The following ANKRD28 variants were observed in gnomAD, a reference collection of about 807,000 sequenced individuals.
ANKRD28 encodes ankyrin repeat domain 28, also known as serine/threonine-protein phosphatase 6 regulatory ankyrin repeat subunit A.
In ANKRD28, 44 loss-of-function variants were observed where a neutral mutation model predicts 126.5. The ratio of observed to expected loss-of-function variants is 0.35; its 90% confidence interval spans 0.27 to 0.45. ANKRD28 has a LOEUF of 0.45. Ranked by LOEUF, ANKRD28 falls within the 20% of genes least tolerant of loss-of-function variation. ANKRD28 has a pLI of 1.00. For missense variants in ANKRD28, 1,110 were observed against 1,316.6 expected (o/e 0.84, Z 2.43); for synonymous variants, 442 against 468.5 (o/e 0.94, Z 0.73).
chr3:15,702,423 A>G (rs2070751234), intron 14 of ANKRD28, among the ~76,000 whole-genome samples: 1 of 152,246 alleles, frequency 6.6e-6, no homozygotes, highest in Non-Finnish European at 1.5e-5. Context: ...TGAAACGCAG[A>G]CAATTAAGAA....
rs113441482 is a variant in ANKRD28 at position 15,814,041 on chromosome 3, C to T, written c.28-18735G>A. 4.6e-3 allele frequency among the ~76,000 whole-genome samples: 702 copies of T among 152,278 alleles called. 1 individual carries two copies. The highest frequency in any genetic ancestry group is 9.7e-3 in the South Asian group (47 of 4,822). On this transcript the variant is annotated intron_variant, in intron 1 of 27. Coordinates refer to the ANKRD28 transcript ENST00000399451. This position sits in a 1 kb window ranked among gnomAD's most constrained non-coding sequence, Gnocchi z 4.7. ...AAAATTTACTTGAATTATAAAACGG[C>T]TATACTAAGTCTTCCACTAACACAG...
At chr3:15,774,307 A>G (rs913515339) in intron 2 of ANKRD28, among the ~76,000 whole-genome samples, 1 of 152,322 alleles carries the variant, frequency 6.6e-6, no homozygotes, top group South Asian at 2.1e-4. Context: ...GACATAGTTA[A>G]GAGGATAAAA....
chr3:15,859,267 C>G (rs1010407322), intron 1 of ANKRD28: 3 of 1,451,682 alleles, frequency 2.1e-6, no homozygotes, highest in South Asian at 2.6e-5. Context: ...ACCCCCGTTT[C>G]CCTCGCAACC....
chr3:15,790,055 G>C (rs2059957918), intron 2 of ANKRD28, among the ~76,000 whole-genome samples: 1 of 151,960 alleles, frequency 6.6e-6, no homozygotes, highest in African/African-American at 2.4e-5. Flanking sequence ...AGAAGAAATG[G>C]ACACATTCCT....
chr3:15,797,571 G>C lies in ANKRD28; in HGVS notation c.-1050C>G, dbSNP rs1044690959. 1.8e-4 allele frequency: 181 copies of C among 984,826 alleles called. 1 individual carries two copies. Among genetic ancestry groups the C allele is most frequent in the Admixed American group, 1.0e-3 (17 of 16,232 alleles). The allele number at this position is 984,826 out of a possible 1,614,324, so 61.0% of individuals were successfully genotyped here. ...TTTTGTTTTCTTTAAAAAAAAAAAG[G>C]GGGGGGAAAAACATAGTAGTGTATC... On this transcript the variant is annotated 5_prime_UTR_variant, in exon 1 of 28. Coordinates refer to ENST00000683139, the MANE Select transcript of ANKRD28 (RefSeq NM_001349278.2).
chr3:15,718,166 G>T (rs887675963), intron 8 of ANKRD28, among the ~76,000 whole-genome samples: 1 of 152,172 alleles, frequency 6.6e-6, no homozygotes, highest in African/African-American at 2.4e-5. Flanking sequence ...AACATATTGT[G>T]TGTAAGAGCT....
At chr3:15,821,948 T>C (rs936355594) in intron 1 of ANKRD28, among the ~76,000 whole-genome samples, 3 of 152,176 alleles carry the variant, frequency 2.0e-5, no homozygotes, top group African/African-American at 7.2e-5. Context: ...GTCAAAAGCA[T>C]ATCTCTCTCA....
intron 1 of ANKRD28, among the ~76,000 whole-genome samples, chr3:15,858,311 A>C (rs1458646161): frequency 6.6e-6 from 1 of 152,244 alleles, no homozygotes; most frequent in Non-Finnish European, 1.5e-5. Flanking sequence ...TGATGTTAAC[A>C]CCAGGCAAGA....
At chr3:15,800,767 T>C (rs2060446944), upstream of ANKRD28, among the ~76,000 whole-genome samples, 1 of 152,096 alleles carries the variant, frequency 6.6e-6, no homozygotes, top group Non-Finnish European at 1.5e-5. Flanking sequence ...TTAGGGACTG[T>C]AAAATTCCTT....
intron 5 of ANKRD28, among the ~76,000 whole-genome samples, chr3:15,736,826 T>C (rs2075047981): frequency 6.6e-6 from 1 of 152,246 alleles, no homozygotes; most frequent in Non-Finnish European, 1.5e-5. Context: ...ATTGTTTTCC[T>C]TGGTCACCAC....
intron 1 of ANKRD28, among the ~76,000 whole-genome samples, chr3:15,803,579 G>A (rs1219765186): frequency 6.7e-6 from 1 of 149,854 alleles, no homozygotes; most frequent in Admixed American, 6.7e-5. Flanking sequence ...ATCACACCAC[G>A]GCACTCCAGC....
chr3:15,831,379 C>CT (rs1275625444), intron 1 of ANKRD28, among the ~76,000 whole-genome samples: 1 of 152,178 alleles, frequency 6.6e-6, no homozygotes, highest in Non-Finnish European at 1.5e-5. Context: ...CTACCAGCCC[C>CT]TTCTCCAAGC....
intron 1 of ANKRD28, among the ~76,000 whole-genome samples, chr3:15,819,034 TTGGGAGGACAAGG>T (rs1165135915): frequency 6.6e-6 from 1 of 152,186 alleles, no homozygotes; most frequent in Non-Finnish European, 1.5e-5. Context: ...TTCCAGTGCT[TTGGGAGGACAAGG>T]TGGGAGGACT....
At chr3:15,858,557 T>A (rs1428380858) in intron 1 of ANKRD28, among the ~76,000 whole-genome samples, 1 of 152,232 alleles carries the variant, frequency 6.6e-6, no homozygotes, top group Non-Finnish European at 1.5e-5. Flanking sequence ...ACATCTTCTG[T>A]TCAGGAAAAC....
At chr3:15,807,957 C>G (rs192468161) in intron 1 of ANKRD28, among the ~76,000 whole-genome samples, 168 of 152,306 alleles carry the variant, frequency 1.1e-3, no homozygotes, top group Middle Eastern at 6.8e-3. Context: ...ACTTGAATAG[C>G]TACTATGGTT....
chr3:15,842,477 T>C (rs192824558), intron 1 of ANKRD28, among the ~76,000 whole-genome samples: 2 of 151,728 alleles, frequency 1.3e-5, no homozygotes, highest in Non-Finnish European at 2.9e-5. Context: ...GGTTAATGGG[T>C]AGAAAAAAAT....
At chr3:15,744,459 A>T (rs1468050819) in intron 4 of ANKRD28, among the ~76,000 whole-genome samples, 1 of 146,730 alleles carries the variant, frequency 6.8e-6, no homozygotes, top group Non-Finnish European at 1.5e-5. Context: ...ACAGGCGGGC[A>T]CCACCAAACC....
rs901092016 is a variant in ANKRD28 at position 15,815,183 on chromosome 3, T to C, written c.28-19877A>G. Among the ~76,000 whole-genome samples the C allele has an allele frequency of 6.6e-6, 1 of 152,150 alleles. No homozygotes were observed. The highest frequency in any genetic ancestry group is 2.4e-5 in the African/African-American group (1 of 41,446). On this transcript the variant is annotated intron_variant, in intron 1 of 27. Transcript: ENST00000399451. The surrounding 1 kb of genome is among the most constrained non-coding windows in gnomAD (Gnocchi z 4.1). ...CACAAGTTAATTTTAGTGAAATGGC[T>C]TGTCTTCACATAAATAAAATTAGGC...
In ANKRD28 at chr3:15,714,642, T is replaced by A. The variant is rs1366605227; in HGVS notation, c.1011A>T (p.Lys337Asn). ...GGAGAGCAGTCATGTGTAGTGGGGT[T>A]TTCCCATCTTTACTCTGGGGGGGGA... ...ADVNMKSKDG[K>N]TPLHMTALHG... The change falls in exon 9 of 28, where the codon AAA (lysine) becomes AAT (asparagine). Residue 337 changes from lysine (K) to asparagine (N), a missense_variant. By Grantham distance (94) the Lys-to-Asn change is moderately conservative. Transcript: ENST00000683139. 1 of 1,597,220 alleles carries A rather than the reference T, an allele frequency of 6.3e-7. No homozygotes were observed.
Sources: gnomAD v4.1 joint callset for allele counts (sites outside exome capture counted in the v4.1 genomes callset) on GRCh38, gnomAD v4.1.1 for gene constraint, Gnocchi (gnomAD v3.1) non-coding constraint, MANE v1.5 for transcripts, NCBI Gene and HGNC (gene_info 2026-07-23, HGNC 2026-07-21) for gene names.